The following SFSWAP variants were observed in gnomAD, a reference collection of about 807,000 sequenced individuals.
SFSWAP encodes splicing factor, suppressor of white-apricot homolog.
A neutral mutation model predicts 100.7 loss-of-function variants in SFSWAP; 17 were observed. The observed-to-expected ratio is 0.17, with a 90% CI of 0.12 to 0.25. The LOEUF (loss-of-function observed/expected upper bound fraction) is 0.25. SFSWAP is among the 10% of genes least tolerant of loss of function. The pLI is 1.00. For missense variants in SFSWAP, 1,005 were observed against 1,262.6 expected (o/e 0.80, Z 3.09); for synonymous variants, 504 against 510.1 (o/e 0.99, Z 0.16).
At chr12:131,765,614 C>T (rs1203337581) in intron 12 of SFSWAP, among the ~76,000 whole-genome samples, 1 of 151,728 alleles carries the variant, frequency 6.6e-6, no homozygotes, top group East Asian at 1.9e-4. Flanking sequence ...CGCCATTGCA[C>T]TACAGCCTGG....
intron 11 of SFSWAP, among the ~76,000 whole-genome samples, chr12:131,760,500 C>G (rs893186084): frequency 1.2e-4 from 18 of 152,086 alleles, no homozygotes; most frequent in African/African-American, 3.9e-4. Flanking sequence ...AACAATGAGA[C>G]AGAGGCTGTG....
At position 131,725,820 on chromosome 12, in the gene SFSWAP, T is replaced by G. The variant is rs1269855245; in HGVS notation, c.832+190T>G. 1.3e-5 allele frequency among the ~76,000 whole-genome samples: 2 copies of G among 152,194 alleles called. No homozygotes were observed. The highest frequency in any genetic ancestry group is 4.8e-5 in the African/African-American group (2 of 41,444). Reference sequence around the variant, plus strand: ...TGATCGTTACCCCTGCTGGTGCACCTTTATTAAATCTTTGGTTAATATTTT... The same window carrying G: ...TGATCGTTACCCCTGCTGGTGCACCGTTATTAAATCTTTGGTTAATATTTT... On this transcript the variant is annotated intron_variant, in intron 5 of 17. Coordinates refer to ENST00000261674, the MANE Select transcript of SFSWAP (RefSeq NM_004592.4). This position sits in a 1 kb window ranked among gnomAD's most constrained non-coding sequence, Gnocchi z 4.3.
chr12:131,737,087 G>A (rs1012944744), intron 7 of SFSWAP, among the ~76,000 whole-genome samples: 2 of 152,142 alleles, frequency 1.3e-5, no homozygotes, highest in Admixed American at 6.5e-5. Flanking sequence ...GCACATCCTC[G>A]GTGGAGGACT....
In SFSWAP at chr12:131,728,304, A is replaced by G. The variant is rs757180902; in HGVS notation, c.957A>G (p.Val319=). ...TTCTCTGTTTCCAGCCCTTGAAGGT[A>G]GTGGACCCAGATCATCCCCTCGCAG... ...RLEELMKPLK[V]VDPDHPLAAL... is the part of the protein sequence containing the mutation. The change falls in exon 7 of 18, where the codon GTA becomes GTG. Residue 319 remains valine (V), a synonymous_variant. Coordinates refer to ENST00000261674, the MANE Select transcript of SFSWAP (RefSeq NM_004592.4). 1.9e-6 allele frequency: 3 copies of G among 1,614,210 alleles called. No individual in the cohort carries two copies. The highest frequency in any genetic ancestry group is 2.5e-6 in the Non-Finnish European group (3 of 1,180,008).
rs1289002016 is a variant in SFSWAP at position 131,714,756 on chromosome 12, GAAATA to G, written c.389-65_389-61del. 33 of 1,450,784 alleles carry G rather than the reference GAAATA, an allele frequency of 2.3e-5. No individual in the cohort carries two copies. Among genetic ancestry groups the G allele is most frequent in the Non-Finnish European group, 3.1e-5 (32 of 1,044,098 alleles). The allele number at this position is 1,450,784 out of a possible 1,614,324, so 89.9% of individuals were successfully genotyped here. On this transcript the variant is annotated intron_variant, in intron 2 of 17. Coordinates refer to ENST00000261674, the MANE Select transcript of SFSWAP (RefSeq NM_004592.4). The surrounding 1 kb of genome is among the most constrained non-coding windows in gnomAD (Gnocchi z 6.0). The stretch of plus-strand genomic sequence containing the variant: ...TGCTTTACTGATAGCTACAACTTTA[GAAATA>G]TATAAAGTTTTTCTCAGTAATTTTC...
At chr12:131,787,815 G>A (rs568859080) in intron 15 of SFSWAP, among the ~76,000 whole-genome samples, 33 of 152,200 alleles carry the variant, frequency 2.2e-4, no homozygotes, top group East Asian at 3.8e-4. Flanking sequence ...CAAGAAGACC[G>A]TGCTGCGGTT....
At chr12:131,797,762 C>CTCA (rs1885789257) in intron 16 of SFSWAP, among the ~76,000 whole-genome samples, 1 of 152,248 alleles carries the variant, frequency 6.6e-6, no homozygotes, top group Non-Finnish European at 1.5e-5. Context: ...GGCCAAATGA[C>CTCA]GCCAACCTGT....
chr12:131,791,273 C>G (rs141092822), intron 15 of SFSWAP, among the ~76,000 whole-genome samples: 1 of 152,136 alleles, frequency 6.6e-6, no homozygotes, highest in Admixed American at 6.6e-5. Context: ...CCTGTAATCC[C>G]AGCTACTCGG....
At chr12:131,731,753 A>G (rs1195043832) in intron 7 of SFSWAP, among the ~76,000 whole-genome samples, 2 of 152,182 alleles carry the variant, frequency 1.3e-5, no homozygotes, top group South Asian at 4.1e-4. Flanking sequence ...TGGGATCTCA[A>G]CTATGCTTAA....
Position 131,725,211 on chromosome 12 carries a change from G to A in SFSWAP, c.607-194G>A, listed in dbSNP as rs755111307. On this transcript the variant is annotated intron_variant, in intron 4 of 17. Transcript: ENST00000261674. This position sits in a 1 kb window ranked among gnomAD's most constrained non-coding sequence, Gnocchi z 4.3. ...GGTGGAGTGGCCTGCCTCAGCTGGC[G>A]AGCTTTCTCCCCTGCAAAATCCTGT... Among the ~76,000 whole-genome samples, 2 of 152,166 alleles carry A rather than the reference G, an allele frequency of 1.3e-5. No individual in the cohort carries two copies. The highest frequency in any genetic ancestry group is 2.9e-5 in the Non-Finnish European group (2 of 68,026).
intron 7 of SFSWAP, among the ~76,000 whole-genome samples, chr12:131,751,602 C>A (rs1453100952): frequency 1.3e-5 from 2 of 152,404 alleles, no homozygotes; most frequent in East Asian, 3.9e-4. Context: ...CAGCAGCTCC[C>A]CCCTTCCAGG....
At chr12:131,727,956 TG>T (rs1212391662) in intron 6 of SFSWAP, among the ~76,000 whole-genome samples, 1 of 152,210 alleles carries the variant, frequency 6.6e-6, no homozygotes, top group Non-Finnish European at 1.5e-5. Context: ...AAGCTATTGG[TG>T]ATTAAAAATC....
At chr12:131,785,749 T>C (rs1884846328) in intron 14 of SFSWAP, 1 of 153,418 alleles carries the variant, frequency 6.5e-6, no homozygotes, top group South Asian at 2.0e-4. Flanking sequence ...TGTTAATGGG[T>C]GGCTTTGCAT....
rs200303646 is a variant in SFSWAP at position 131,799,455 on chromosome 12, A to G, written c.2823A>G (p.Ala941=). 5.6e-6 allele frequency: 9 copies of G among 1,614,178 alleles called. No homozygotes were observed. In the African/African-American group the frequency reaches 1.2e-4, roughly 22 times the overall value. Residue 941 remains alanine, a synonymous_variant, in exon 18 of 18, where the codon GCA becomes GCG. Transcript: ENST00000261674. ...DLMAKVRAML[A]ASKNLQTSAS is the part of the protein sequence containing the mutation. ...TGGCCAAAGTCAGAGCGATGCTTGC[A>G]GCTTCCAAAAACCTGCAAACCAGCG...
intron 15 of SFSWAP, among the ~76,000 whole-genome samples, chr12:131,788,144 G>T (rs1001100265): frequency 6.6e-6 from 1 of 152,222 alleles, no homozygotes; most frequent in Admixed American, 6.5e-5. Context: ...GCCTTGCTTT[G>T]CCTTCACATT....
chr12:131,732,660 G>T (rs1468075255), intron 7 of SFSWAP, among the ~76,000 whole-genome samples: 2 of 152,206 alleles, frequency 1.3e-5, no homozygotes, highest in Non-Finnish European at 2.9e-5. Context: ...GTCCCATGGG[G>T]TTTCATATAC....
At chr12:131,776,906 A>T (rs1884068705) in intron 13 of SFSWAP, among the ~76,000 whole-genome samples, 1 of 152,214 alleles carries the variant, frequency 6.6e-6, no homozygotes, top group South Asian at 2.1e-4. Flanking sequence ...CTGTCTCCTG[A>T]TCTGGTTCCG....
chr12:131,723,965 G>T (rs557247256), intron 4 of SFSWAP, among the ~76,000 whole-genome samples: 1 of 152,180 alleles, frequency 6.6e-6, no homozygotes, highest in African/African-American at 2.4e-5. Context: ...AAATCTCATT[G>T]TGTAGTAGGA....
rs534397296 is a variant in SFSWAP, at chr12:131,740,837, C to T, written c.1082-12286C>T. On this transcript the variant is annotated intron_variant, in intron 7 of 17. Coordinates refer to ENST00000261674, the MANE Select transcript of SFSWAP (RefSeq NM_004592.4). ...GCCCTGCAGCTGCCCAGCCTCTATG[C>T]AGCCCCTGCTCTGTCCCTGGGGTGT... 2.6e-5 allele frequency among the ~76,000 whole-genome samples: 4 copies of T among 152,226 alleles called. No homozygotes were observed. The East Asian group carries it at 7.7e-4, about 29-fold the overall frequency.
Sources: gnomAD v4.1 joint callset for allele counts (sites outside exome capture counted in the v4.1 genomes callset) on GRCh38, gnomAD v4.1.1 for gene constraint, Gnocchi (gnomAD v3.1) non-coding constraint, MANE v1.5 for transcripts, NCBI Gene and HGNC (gene_info 2026-07-23, HGNC 2026-07-21) for gene names.